RANBP2: variants seen among roughly 807,000 people sequenced by gnomAD.
The protein encoded by RANBP2 is E3 SUMO-protein ligase RanBP2.
Under a neutral mutation model 303.6 loss-of-function variants are expected in RANBP2, and 57 were observed. The ratio of observed to expected loss-of-function variants is 0.19; its 90% CI spans 0.15 to 0.23. RANBP2 has a LOEUF of 0.23. Among genes scored for constraint, RANBP2 ranks in the 10% least tolerant of loss-of-function variants. The probability of loss-of-function intolerance (pLI) is 1.00; values close to 1 mark genes in which losing one functional copy is unlikely to be tolerated. For synonymous variants in RANBP2, 1,167 were observed against 1,301.5 expected, an observed-to-expected ratio of 0.90 and a Z score of 2.23; for missense variants, 3,138 against 3,780.8, an observed-to-expected ratio of 0.83 and a Z score of 4.46.
chr2:109,287,967 A>C, the RANBP2 span, among the ~76,000 whole-genome samples: 3 of 152,260 alleles, frequency 2.0e-5, no homozygotes, highest in East Asian at 1.9e-4. Flanking sequence ...GAAAGGTTCA[A>C]GTTCTTATTT....
the RANBP2 span, among the ~76,000 whole-genome samples, chr2:109,176,363 T>TA: frequency 6.6e-4 from 100 of 152,280 alleles, 1 homozygote; most frequent in Non-Finnish European, 2.1e-4. Flanking sequence ...AGCAGTGAGA[T>TA]ACTCTGAGAG....
the RANBP2 span, among the ~76,000 whole-genome samples, chr2:109,266,391 C>T: frequency 2.0e-5 from 3 of 152,068 alleles, no homozygotes; most frequent in East Asian, 3.9e-4. Context: ...CTGCCCCAAG[C>T]AGGAGTGTCC....
At chr2:109,673,495 T>C in the RANBP2 span, among the ~76,000 whole-genome samples, 1 of 152,156 alleles carries the variant, frequency 6.6e-6, no homozygotes, top group East Asian at 1.9e-4. Flanking sequence ...CTCTGCTCTG[T>C]TTTGCCTTGC....
At chr2:109,319,810 C>G in the RANBP2 span, among the ~76,000 whole-genome samples, 1 of 152,218 alleles carries the variant, frequency 6.6e-6, no homozygotes, top group Non-Finnish European at 1.5e-5. Context: ...TTTTTCCAGC[C>G]AAACAAAGGC....
the RANBP2 span, among the ~76,000 whole-genome samples, chr2:109,680,195 A>AG: frequency 2.3e-4 from 34 of 150,184 alleles, no homozygotes; most frequent in African/African-American, 7.1e-4. Flanking sequence ...TACAAAAAAA[A>AG]AAAAAAAATT....
At chr2:108,756,186 G>T (rs930900866) in intron 17 of RANBP2, among the ~76,000 whole-genome samples, 1 of 152,178 alleles carries the variant, frequency 6.6e-6, no homozygotes, top group Non-Finnish European at 1.5e-5. Flanking sequence ...TCATACTCTG[G>T]TCTATGAGTT....
chr2:109,664,943 A>T, the RANBP2 span, among the ~76,000 whole-genome samples: 1 of 152,006 alleles, frequency 6.6e-6, no homozygotes, highest in African/African-American at 2.4e-5. Context: ...AAAAAAAACC[A>T]AAACCAAAAT....
chr2:109,286,490 C>T, the RANBP2 span, among the ~76,000 whole-genome samples: 3 of 152,148 alleles, frequency 2.0e-5, no homozygotes, highest in African/African-American at 7.2e-5. Flanking sequence ...CGCACAAGGC[C>T]ATCTATGCTT....
chr2:109,593,939 T>A, the RANBP2 span, among the ~76,000 whole-genome samples: 1 of 152,182 alleles, frequency 6.6e-6, no homozygotes. Context: ...TCTTATTTAA[T>A]CCTTACAATA....
At chr2:108,829,215 T>C in the RANBP2 span, among the ~76,000 whole-genome samples, 1 of 152,114 alleles carries the variant, frequency 6.6e-6, no homozygotes, top group East Asian at 1.9e-4. Context: ...GGAGGAAATA[T>C]TAGCAAATTG....
chr2:108,977,278 C>T, the RANBP2 span, among the ~76,000 whole-genome samples: 40 of 151,868 alleles, frequency 2.6e-4, no homozygotes, highest in Non-Finnish European at 3.7e-4. Flanking sequence ...CTCGCCTTTT[C>T]TTTTTTTTGA....
the RANBP2 span, among the ~76,000 whole-genome samples, chr2:109,680,763 T>G: frequency 1.2e-4 from 18 of 152,206 alleles, no homozygotes; most frequent in African/African-American, 4.3e-4. Context: ...GTGATTACTT[T>G]GCAAAAAATT....
At chr2:109,525,424 A>G in the RANBP2 span, among the ~76,000 whole-genome samples, 1 of 152,116 alleles carries the variant, frequency 6.6e-6, no homozygotes, top group Admixed American at 6.6e-5. Context: ...TTGGCCTCCC[A>G]AAGTGCTGGG....
chr2:109,347,982 C>G, the RANBP2 span: 5 of 1,566,490 alleles, frequency 3.2e-6, no homozygotes, highest in Admixed American at 3.7e-5. Context: ...CCCCGCCAGC[C>G]CATGCAGCCT....
chr2:109,714,757 T>G, the RANBP2 span, among the ~76,000 whole-genome samples: 1 of 151,200 alleles, frequency 6.6e-6, no homozygotes, highest in African/African-American at 2.4e-5. Context: ...TACAGGTGTG[T>G]GCCACCACCA....
the RANBP2 span, among the ~76,000 whole-genome samples, chr2:109,165,431 G>A: frequency 6.6e-6 from 1 of 152,148 alleles, no homozygotes; most frequent in African/African-American, 2.4e-5. Flanking sequence ...CACCACCCCT[G>A]CTAGAAGGAA....
At chr2:108,845,571 A>AT in the RANBP2 span, among the ~76,000 whole-genome samples, 24 of 111,702 alleles carry the variant, frequency 2.1e-4, 1 homozygote, top group South Asian at 5.6e-4. Context: ...CTTTCATTTG[A>AT]TTTTTTTTTT....
At chr2:109,420,127 A>T in the RANBP2 span, among the ~76,000 whole-genome samples, 1 of 152,250 alleles carries the variant, frequency 6.6e-6, no homozygotes, top group African/African-American at 2.4e-5. Context: ...ATATAACCAG[A>T]TGAATCAGTG....
At chr2:109,794,602 C>T in the RANBP2 span, 1 of 853,548 alleles carries the variant, frequency 1.2e-6, no homozygotes, top group Non-Finnish European at 1.3e-6. Flanking sequence ...GCGGCGGCGG[C>T]GGCGGCGGGG....
Sources: gnomAD v4.1 joint callset for allele counts (sites outside exome capture counted in the v4.1 genomes callset) on GRCh38, gnomAD v4.1.1 for gene constraint, MANE v1.5 for transcripts, NCBI Gene and HGNC (gene_info 2026-07-23, HGNC 2026-07-21) for gene names.